Variants in ADAM10 observed in about 807,000 individuals in gnomAD.
ADAM10 encodes the protein ADAM metallopeptidase domain 10.
A neutral mutation model predicts 90.1 loss-of-function variants in ADAM10; 17 were observed. That is an observed-to-expected ratio of 0.19 (90% CI 0.13 to 0.28). The LOEUF is 0.28. Among genes scored for constraint, ADAM10 ranks in the 10% least tolerant of loss-of-function variants. The pLI, the probability that ADAM10 is intolerant of heterozygous loss-of-function variation, is 1.00. For missense variants in ADAM10, 610 were observed against 914.3 expected (o/e 0.67, Z 4.29); for synonymous variants, 310 against 298.6 (o/e 1.04, Z -0.40).
chr15:58,608,633 A>G (rs1049692176), intron 14 of ADAM10, among the ~76,000 whole-genome samples: 11 of 152,210 alleles, frequency 7.2e-5, no homozygotes, highest in Non-Finnish European at 1.3e-4. Context: ...GTGTCTGATT[A>G]ATTAGTTCCA....
At chr15:58,729,244 T>C (rs1431459964) in intron 1 of ADAM10, among the ~76,000 whole-genome samples, 3 of 152,228 alleles carry the variant, frequency 2.0e-5, no homozygotes, top group African/African-American at 7.2e-5. Context: ...CTACTCACTA[T>C]GTGTTCAACT....
At chr15:58,687,959 T>C (rs369598097) in intron 2 of ADAM10, among the ~76,000 whole-genome samples, 5 of 152,278 alleles carry the variant, frequency 3.3e-5, no homozygotes, top group East Asian at 1.9e-4. Flanking sequence ...GATGCTACCA[T>C]TGAGTATCTT....
At chr15:58,720,644 G>T (rs917793089) in intron 1 of ADAM10, among the ~76,000 whole-genome samples, 1 of 150,538 alleles carries the variant, frequency 6.6e-6, no homozygotes, top group African/African-American at 2.5e-5. Context: ...CTCGTGATCC[G>T]CCCACCTCAG....
rs1194676453 is a variant in ADAM10, at chr15:58,727,208, C to T, written c.56-9481G>A. Among the ~76,000 whole-genome samples the T allele has an allele frequency of 1.8e-4, 12 of 66,002 alleles. 2 individuals are homozygous for T. The highest frequency in any genetic ancestry group is 1.3e-3 in the South Asian group (2 of 1,532). 43.3% of individuals were successfully genotyped at this position (66,002 alleles called of 152,430 possible). On this transcript the variant is annotated intron_variant, in intron 1 of 15. Coordinates refer to ENST00000260408, the MANE Select transcript of ADAM10 (RefSeq NM_001110.4). ...TTTTTTTTTTTTTTTTTTTTTTTCCCAAAAACAGCGTTTCGCTCGTTGCCC... is the reference window on the plus strand; with the variant it reads ...TTTTTTTTTTTTTTTTTTTTTTTCCTAAAAACAGCGTTTCGCTCGTTGCCC...
intron 4 of ADAM10, among the ~76,000 whole-genome samples, chr15:58,673,754 A>G (rs1198582648): frequency 6.7e-6 from 1 of 149,398 alleles, no homozygotes; most frequent in Non-Finnish European, 1.5e-5. Context: ...TTTTTTTCTG[A>G]GACAGAGTCT....
chr15:58,634,019 A>T (rs559127473), intron 8 of ADAM10, among the ~76,000 whole-genome samples: 22 of 152,222 alleles, frequency 1.4e-4, no homozygotes, highest in African/African-American at 5.3e-4. Context: ...ATCCATCAAG[A>T]ATTCACCACT....
chr15:58,698,336 C>G (rs11632492), intron 2 of ADAM10: 10,582 of 433,786 alleles, frequency 0.024, 197 homozygotes, highest in Middle Eastern at 0.059. Flanking sequence ...CTGTGGGAGG[C>G]TGAGGCAGGT....
intron 11 of ADAM10, among the ~76,000 whole-genome samples, chr15:58,613,411 A>G (rs1895509372): frequency 6.6e-6 from 1 of 152,220 alleles, no homozygotes; most frequent in Admixed American, 6.5e-5. Flanking sequence ...AAACAAATAT[A>G]TATGACACCA....
rs1021953925 is a variant in ADAM10, at chr15:58,589,370, C to T, written c.*8177G>A. On this transcript the variant is annotated 3_prime_UTR_variant, in exon 16 of 16. Coordinates refer to ENST00000260408, the MANE Select transcript of ADAM10 (RefSeq NM_001110.4). ...TGGACTAGTTAGAGCAAACTTTTAC[C>T]GAAACTCCAAAACTCAGGTCCAGCT... The T allele has an allele frequency of 1.2e-4, 18 of 152,152 alleles. No homozygotes were observed. The highest frequency in any genetic ancestry group is 2.9e-4 in the African/African-American group (12 of 41,444). The allele number at this position is 152,152 out of a possible 1,614,324, so 9.4% of individuals were successfully genotyped here.
chr15:58,730,051 C>T (rs1339123411), intron 1 of ADAM10, among the ~76,000 whole-genome samples: 1 of 150,438 alleles, frequency 6.6e-6, no homozygotes. Context: ...ATTAGGAAAT[C>T]GTAAGCATAA....
At chr15:58,664,056 C>A (rs1422864025) in intron 5 of ADAM10, among the ~76,000 whole-genome samples, 4 of 151,990 alleles carry the variant, frequency 2.6e-5, no homozygotes, top group African/African-American at 4.8e-5. Context: ...TTAAACTCTA[C>A]CCTCATGTTA....
At chr15:58,639,895 T>C (rs1045577116) in intron 8 of ADAM10, among the ~76,000 whole-genome samples, 2 of 146,532 alleles carry the variant, frequency 1.4e-5, no homozygotes, top group Admixed American at 1.4e-4. Context: ...GAAGTTTTTT[T>C]TAAAAAAAAA....
chr15:58,733,783 T>C (rs1161938545), intron 1 of ADAM10, among the ~76,000 whole-genome samples: 1 of 151,940 alleles, frequency 6.6e-6, no homozygotes, highest in African/African-American at 2.4e-5. Context: ...CATCTATTTA[T>C]AATTTTATCT....
At chr15:58,728,609 T>A (rs1162036447) in intron 1 of ADAM10, among the ~76,000 whole-genome samples, 1 of 151,192 alleles carries the variant, frequency 6.6e-6, no homozygotes, top group Non-Finnish European at 1.5e-5. Flanking sequence ...AAAAGAAAAA[T>A]GTTGCAGCAA....
intron 1 of ADAM10, among the ~76,000 whole-genome samples, chr15:58,718,255 TA>T (rs1472857792): frequency 4.9e-4 from 75 of 152,316 alleles, no homozygotes; most frequent in Admixed American, 1.4e-3. Context: ...AAGATGATCA[TA>T]TTTTTTCTTT....
At chr15:58,717,067 T>C (rs1202291544) in intron 2 of ADAM10, among the ~76,000 whole-genome samples, 1 of 152,148 alleles carries the variant, frequency 6.6e-6, no homozygotes, top group Non-Finnish European at 1.5e-5. Flanking sequence ...ACACAACAGG[T>C]ACTCAATAAG....
At chr15:58,617,103 C>T (rs546703760) in intron 11 of ADAM10, among the ~76,000 whole-genome samples, 22 of 150,986 alleles carry the variant, frequency 1.5e-4, no homozygotes, top group East Asian at 9.7e-4. Context: ...AGTGAGACTC[C>T]GTCTCAAAAA....
intron 2 of ADAM10, among the ~76,000 whole-genome samples, chr15:58,685,689 C>T (rs1420093650): frequency 6.6e-6 from 1 of 150,664 alleles, no homozygotes; most frequent in Admixed American, 6.6e-5. Flanking sequence ...AAACTAGTAA[C>T]AATGGTTGTC....
rs1316159712 is a variant in ADAM10 at position 58,610,464 on chromosome 15, T to C, written c.1858A>G (p.Ser620Gly). Residue 620 changes from serine to glycine, a missense_variant, in exon 14 of 16, where the codon AGT becomes GGT. Physicochemically the swap from Ser to Gly is moderately conservative, Grantham distance 56. Transcript: ENST00000260408. The stretch of plus-strand genomic sequence containing the variant: ...GGTTGCAGGGTGATGGTTCGACCAC[T>C]GAAGTGCCTACTCCACTGCACAGAC... ...TGSVQWSRHFSGRTITLQPGS... is the reference protein window; with the variant it reads ...TGSVQWSRHFGGRTITLQPGS... The C allele has an allele frequency of 1.2e-6, 2 of 1,614,170 alleles. No individual in the cohort carries two copies. The highest frequency in any genetic ancestry group is 1.7e-5 in the Admixed American group (1 of 60,016).
Sources: gnomAD v4.1 joint callset for allele counts (sites outside exome capture counted in the v4.1 genomes callset) on GRCh38, gnomAD v4.1.1 for gene constraint, MANE v1.5 for transcripts, NCBI Gene and HGNC (gene_info 2026-07-23, HGNC 2026-07-21) for gene names.